Variants in KAZN observed in about 807,000 individuals in gnomAD.
The protein encoded by KAZN is kazrin.
A neutral mutation model predicts 87.4 loss-of-function variants in KAZN; 40 were observed. That is an observed-to-expected ratio of 0.46 (90% CI 0.36 to 0.60). KAZN has a LOEUF of 0.60. Ranked by LOEUF, KAZN falls within the 20% of genes least tolerant of loss-of-function variation. KAZN has a pLI of 0.00. For missense variants in KAZN, 898 were observed against 1,073.9 expected (o/e 0.84, Z 2.29); for synonymous variants, 466 against 458.3 (o/e 1.02, Z -0.22).
intron 1 of KAZN, among the ~76,000 whole-genome samples, chr1:14,162,823 C>T (rs947687653): frequency 6.6e-5 from 10 of 152,296 alleles, no homozygotes; most frequent in Admixed American, 3.3e-4. Flanking sequence ...GGATTACAGG[C>T]GTGAGCCACC....
intron 1 of KAZN, among the ~76,000 whole-genome samples, chr1:14,687,071 C>T (rs1640998621): frequency 6.6e-6 from 1 of 152,192 alleles, no homozygotes; most frequent in African/African-American, 2.4e-5. Context: ...GTGTGCTGCA[C>T]TTGCTCCCCT....
Position 14,895,529 on chromosome 1 carries a change from A to T in KAZN, c.227-65155A>T, listed in dbSNP as rs1398203698. On this transcript the variant is annotated intron_variant, in intron 1 of 14. Coordinates refer to ENST00000376030, the MANE Select transcript of KAZN (RefSeq NM_201628.3). Reference sequence around the variant, plus strand: ...CCTGGGATCACATCAGGGGTCTGGGAGTGAAGGGGACAGCCAAGAAGAGCC... The same window carrying T: ...CCTGGGATCACATCAGGGGTCTGGGTGTGAAGGGGACAGCCAAGAAGAGCC... 3.3e-5 allele frequency among the ~76,000 whole-genome samples: 5 copies of T among 152,142 alleles called. No homozygotes were observed. The East Asian group carries it at 9.6e-4, about 29-fold the overall frequency.
intron 2 of KAZN, among the ~76,000 whole-genome samples, chr1:14,549,588 TG>T (rs1355716839): frequency 6.6e-6 from 1 of 150,722 alleles, no homozygotes; most frequent in Admixed American, 6.6e-5. Context: ...AGATACACTG[TG>T]GTTAGGAGTT....
chr1:14,816,163 G>A (rs1572557775), intron 1 of KAZN, among the ~76,000 whole-genome samples: 1 of 152,018 alleles, frequency 6.6e-6, no homozygotes, highest in East Asian at 1.9e-4. Context: ...TATGTGTCAG[G>A]CACATAGTAG....
chr1:14,688,391 C>T (rs1327014664), intron 1 of KAZN, among the ~76,000 whole-genome samples: 1 of 152,202 alleles, frequency 6.6e-6, no homozygotes, highest in Non-Finnish European at 1.5e-5. Context: ...TTCCCTGTGC[C>T]AGGCAGCAGG....
At chr1:14,380,123 G>A (rs1661249584) in intron 2 of KAZN, among the ~76,000 whole-genome samples, 1 of 152,198 alleles carries the variant, frequency 6.6e-6, no homozygotes, top group African/African-American at 2.4e-5. Flanking sequence ...GACTACCAAG[G>A]CAGTACCTCT....
chr1:14,325,112 G>A (rs111697498), intron 2 of KAZN, among the ~76,000 whole-genome samples: 143 of 152,192 alleles, frequency 9.4e-4, no homozygotes, highest in African/African-American at 3.3e-3. Flanking sequence ...TTTTGGTGGC[G>A]CAATTTATGA....
In KAZN at chr1:14,085,987, T is replaced by C. The variant is rs543094338; in HGVS notation, c.92-94448T>C. ...TGGTTTTGATTTGCTATTTTTCTAATGATTATTGTTGTTCAGCATCTTATT... is the reference window on the plus strand; with the variant it reads ...TGGTTTTGATTTGCTATTTTTCTAACGATTATTGTTGTTCAGCATCTTATT... On this transcript the variant is annotated intron_variant, in intron 1 of 16. Transcript: ENST00000636203. 3.9e-5 allele frequency among the ~76,000 whole-genome samples: 6 copies of C among 152,324 alleles called. No homozygotes were observed. The East Asian group carries it at 1.2e-3, about 29-fold the overall frequency.
intron 2 of KAZN, among the ~76,000 whole-genome samples, chr1:14,356,702 T>G (rs2100963828): frequency 6.6e-6 from 1 of 152,324 alleles, no homozygotes; most frequent in South Asian, 2.1e-4. Context: ...CCATTGCTTG[T>G]TTTTGTCAGG....
chr1:14,517,809 T>C (rs961341632), intron 2 of KAZN, among the ~76,000 whole-genome samples: 20 of 152,220 alleles, frequency 1.3e-4, no homozygotes, highest in African/African-American at 4.6e-4. Context: ...ATCCAGTTAT[T>C]ATTTTTCAAC....
At chr1:14,867,037 C>T (rs1399973038) in intron 1 of KAZN, among the ~76,000 whole-genome samples, 1 of 152,264 alleles carries the variant, frequency 6.6e-6, no homozygotes, top group Non-Finnish European at 1.5e-5. Flanking sequence ...ACGCCCCTGC[C>T]TCCCTGATGG....
chr1:13,909,517 C>A (rs1639572731), intron 1 of KAZN, among the ~76,000 whole-genome samples: 1 of 152,004 alleles, frequency 6.6e-6, no homozygotes, highest in Non-Finnish European at 1.5e-5. Context: ...CCAGGGTTTC[C>A]CCCACAAAAT....
Position 15,044,239 on chromosome 1 carries a change from C to T in KAZN, c.726+80C>T, listed in dbSNP as rs1673232773. ...GGAGCCGGGACGTCTGGCACCGACT[C>T]ACATCGGAGACCTAGGGTGGGGTGG... On this transcript the variant is annotated intron_variant, in intron 4 of 14. Coordinates refer to ENST00000376030, the MANE Select transcript of KAZN (RefSeq NM_201628.3). The T allele has an allele frequency of 2.0e-5, 15 of 752,670 alleles. 1 individual carries two copies. In the South Asian group the frequency reaches 3.4e-4, roughly 17 times the overall value. 46.6% of individuals were successfully genotyped at this position (752,670 alleles called of 1,614,324 possible).
chr1:14,939,256 G>A (rs926843576), intron 1 of KAZN, among the ~76,000 whole-genome samples: 2 of 151,870 alleles, frequency 1.3e-5, no homozygotes, highest in Non-Finnish European at 2.9e-5. Context: ...ACAGGTGTGA[G>A]CCACCGTGCC....
intron 2 of KAZN, among the ~76,000 whole-genome samples, chr1:14,983,742 G>A (rs375977811): frequency 6.6e-6 from 1 of 152,074 alleles, no homozygotes; most frequent in African/African-American, 2.4e-5. Flanking sequence ...AGGAGTTTGA[G>A]ACCAGCCTGG....
At chr1:14,347,263 A>G (rs1487886351) in intron 2 of KAZN, among the ~76,000 whole-genome samples, 2 of 152,188 alleles carry the variant, frequency 1.3e-5, no homozygotes, top group Admixed American at 6.5e-5. Flanking sequence ...TACCATGAGC[A>G]TGCTCCCAAG....
intron 1 of KAZN, among the ~76,000 whole-genome samples, chr1:14,030,723 A>G (rs1291580059): frequency 6.6e-6 from 1 of 151,962 alleles, no homozygotes; most frequent in Non-Finnish European, 1.5e-5. Flanking sequence ...GCCAGCTTGG[A>G]CAGATGGATG....
intron 2 of KAZN, among the ~76,000 whole-genome samples, chr1:14,407,321 A>C (rs1663936718): frequency 1.3e-5 from 2 of 152,332 alleles, no homozygotes; most frequent in South Asian, 4.1e-4. Context: ...GAGCTAAATT[A>C]TGTCCCAAAG....
At chr1:14,776,238 A>G (rs908279933) in intron 1 of KAZN, among the ~76,000 whole-genome samples, 2 of 152,180 alleles carry the variant, frequency 1.3e-5, no homozygotes, top group African/African-American at 4.8e-5. Flanking sequence ...TCCTGACCTC[A>G]GGTGATCTGC....
Sources: allele counts gnomAD v4.1 joint callset (sites outside exome capture counted in the v4.1 genomes callset), GRCh38; gene constraint gnomAD v4.1.1; transcripts MANE v1.5; gene names NCBI Gene and HGNC (gene_info 2026-07-23, HGNC 2026-07-21).